The following C6 variants were observed in gnomAD, a reference collection of about 807,000 sequenced individuals.
C6 encodes complement component C6.
C6 carries 101 observed loss-of-function variants against 112.9 expected under a neutral mutation model. That is an observed-to-expected ratio of 0.89 (90% CI 0.76 to 1.06). C6 has a LOEUF of 1.06. Among genes scored for constraint, C6 ranks in the 50% least tolerant of loss-of-function variants. The pLI, the probability that C6 is intolerant of heterozygous loss-of-function variation, is 0.00. For synonymous variants in C6, 431 were observed against 384.1 expected, an observed-to-expected ratio of 1.12 and a Z score of -1.43; for missense variants, 1,202 against 1,104.6, an observed-to-expected ratio of 1.09 and a Z score of -1.25.
At position 41,147,613 on chromosome 5, in the gene C6, T is replaced by C. The variant is rs79315128; in HGVS notation, c.2623+1628A>G. 1.4e-3 allele frequency among the ~76,000 whole-genome samples: 220 copies of C among 152,334 alleles called. 6 individuals carry two copies. In the East Asian group the frequency reaches 0.038, roughly 27 times the overall value. Reference sequence around the variant, plus strand: ...GAGTCAAGAGGAACAATATGGTTTTTGTCTTTCTTTTTGCAAAAGTAAGGT... The same window carrying C: ...GAGTCAAGAGGAACAATATGGTTTTCGTCTTTCTTTTTGCAAAAGTAAGGT... On this transcript the variant is annotated intron_variant, in intron 17 of 17. Transcript: ENST00000337836.
intron 10 of C6, 41 bp downstream of exon 10, chr5:41,161,652 A>G: frequency 6.5e-7 from 1 of 1,527,374 alleles, no homozygotes; most frequent in Non-Finnish European, 9.1e-7. Flanking sequence ...CTGCTAGAGA[A>G]CTACTTTAGA....
intron 1 of C6, among the ~76,000 whole-genome samples, chr5:41,231,573 T>C (rs1739902473): frequency 6.6e-6 from 1 of 152,140 alleles, no homozygotes; most frequent in African/African-American, 2.4e-5. Context: ...AACCATCTAG[T>C]TTGTTTTTAA....
At chr5:41,163,085 T>G (rs753397216) in intron 9 of C6, among the ~76,000 whole-genome samples, 12 of 151,746 alleles carry the variant, frequency 7.9e-5, no homozygotes, top group Admixed American at 1.3e-4. Context: ...TAGCTTACTC[T>G]CACAAGTGAG....
Position 41,190,681 on chromosome 5 carries a change from A to T in C6, c.588-4473T>A, listed in dbSNP as rs559241649. ...TTTTCATAAAATGTTTTCTCACATC[A>T]ATGTTCTAAGGGTTTTCCCCTACAT... On this transcript the variant is annotated intron_variant, in intron 5 of 17. Transcript: ENST00000337836. Among the ~76,000 whole-genome samples, 22 of 152,220 alleles carry T rather than the reference A, an allele frequency of 1.4e-4. No individual in the cohort carries two copies. In the South Asian group the frequency reaches 4.4e-3, roughly 30 times the overall value.
chr5:41,213,628 T>C (rs1752075806), upstream of C6: 1 of 825,942 alleles, frequency 1.2e-6, no homozygotes, highest in Non-Finnish European at 1.5e-6. Flanking sequence ...ACTCTGGGTG[T>C]TGGATGTTAC....
chr5:41,221,000 T>C (rs1224230441), intron 1 of C6, among the ~76,000 whole-genome samples: 2 of 150,388 alleles, frequency 1.3e-5, no homozygotes, highest in South Asian at 4.2e-4. Context: ...TTCATTAAAA[T>C]GTTATCTTTT....
intron 3 of C6, among the ~76,000 whole-genome samples, chr5:41,200,888 GTTGTTTTTTTTTTTTTTTTTT>G (rs1020693232): frequency 3.0e-5 from 2 of 66,806 alleles, no homozygotes. Flanking sequence ...TGTTGTTGTT[GTTGTTTTTTTTTTTTTTTTTT>G]TTTTTTTTTA....
chr5:41,183,551 C>A (rs926907976), intron 6 of C6, among the ~76,000 whole-genome samples: 1 of 152,090 alleles, frequency 6.6e-6, no homozygotes, highest in African/African-American at 2.4e-5. Flanking sequence ...ATTAGTTCAG[C>A]CACTGTGGAA....
At chr5:41,242,092 A>T (rs76241484) in intron 1 of C6, among the ~76,000 whole-genome samples, 2 of 152,184 alleles carry the variant, frequency 1.3e-5, no homozygotes, top group Non-Finnish European at 2.9e-5. Flanking sequence ...AGAAAGGAAA[A>T]AAAAACTTGG....
intron 13 of C6, 42 bp from the exon 14 acceptor site, chr5:41,155,146 AAC>A: frequency 6.4e-7 from 1 of 1,567,990 alleles, no homozygotes; most frequent in Non-Finnish European, 8.8e-7. Context: ...TGCTATGAAT[AAC>A]ACTCTCTAAA....
intron 17 of C6, among the ~76,000 whole-genome samples, chr5:41,148,840 A>C (rs1266517614): frequency 6.6e-6 from 1 of 152,200 alleles, no homozygotes; most frequent in East Asian, 1.9e-4. Flanking sequence ...TGGCAATGCA[A>C]AATCCAGTCC....
Position 41,203,135 on chromosome 5 carries a change from C to A in C6, c.96G>T (p.Trp32Cys). ...CFCDHYAWTQ[W>C]TSCSKTCNSG... ...AATTGCAAGTTTTTGAGCAGCTGGT[C>A]CACTGAGTCCATGCATAGTGATCAC... Residue 32 changes from tryptophan (W) to cysteine (C), a missense_variant, in exon 2 of 18, where the codon TGG (tryptophan) becomes TGT (cysteine). Physicochemically the swap from Trp to Cys is radical, Grantham distance 215. Transcript: ENST00000337836. 7.4e-6 allele frequency: 12 copies of A among 1,614,080 alleles called. No homozygotes were observed. Among genetic ancestry groups the A allele is most frequent in the Non-Finnish European group, 1.0e-5 (12 of 1,179,972 alleles).
chr5:41,186,471 A>T (rs1374590735), intron 5 of C6: 1 of 435,770 alleles, frequency 2.3e-6, no homozygotes, highest in Admixed American at 3.9e-5. Context: ...ACATACAACA[A>T]AATCTGGATT....
At chr5:41,210,074 C>A (rs918601082) in intron 1 of C6, among the ~76,000 whole-genome samples, 1 of 152,176 alleles carries the variant, frequency 6.6e-6, no homozygotes, top group African/African-American at 2.4e-5. Flanking sequence ...ACGTCTACAG[C>A]CATCTGATCT....
chr5:41,239,398 C>T (rs1580244643), intron 1 of C6, among the ~76,000 whole-genome samples: 1 of 152,200 alleles, frequency 6.6e-6, no homozygotes, highest in Middle Eastern at 3.4e-3. Context: ...AGGGGTGAGT[C>T]ACTGTGCCTG....
chr5:41,185,482 T>G (rs1749695482), intron 6 of C6, among the ~76,000 whole-genome samples: 1 of 152,218 alleles, frequency 6.6e-6, no homozygotes, highest in African/African-American at 2.4e-5. Flanking sequence ...CTCACTTTAG[T>G]GCAACGAGTA....
intron 1 of C6, among the ~76,000 whole-genome samples, chr5:41,256,839 A>ACC (rs1343689591): frequency 2.0e-5 from 3 of 152,296 alleles, no homozygotes; most frequent in Admixed American, 1.3e-4. Context: ...CAAATGGGTA[A>ACC]AGGAACAATT....
chr5:41,224,687 T>A (rs183644629), intron 1 of C6, among the ~76,000 whole-genome samples: 1 of 152,182 alleles, frequency 6.6e-6, no homozygotes, highest in East Asian at 1.9e-4. Context: ...TGTTTGGCTA[T>A]TATGAATAAT....
In C6 at chr5:41,149,940, GTCT is replaced by G. The variant is rs1561091826; in HGVS notation, c.2373_2375del (p.Glu791del). On this transcript the variant is annotated inframe_deletion, in exon 16 of 18. Transcript: ENST00000337836. ...GTCTGTAGGGTATCTCTTACCTACA[GTCT>G]TCTTCTGGAGACATACAAATGCATT... 1.2e-6 allele frequency: 2 copies of G among 1,606,578 alleles called. No homozygotes were observed. Among genetic ancestry groups the G allele is most frequent in the South Asian group, 1.1e-5 (1 of 90,964 alleles).
Sources: gnomAD v4.1 joint callset for allele counts (sites outside exome capture counted in the v4.1 genomes callset) on GRCh38, gnomAD v4.1.1 for gene constraint, MANE v1.5 for transcripts, NCBI Gene and HGNC (gene_info 2026-07-23, HGNC 2026-07-21) for gene names.